Variants in VWA5A observed in about 807,000 individuals in gnomAD.
VWA5A encodes the protein von Willebrand factor A domain-containing protein 5A.
In VWA5A, 77 loss-of-function variants were observed where a neutral mutation model predicts 84.6. That is an observed-to-expected ratio of 0.91 (90% confidence interval 0.76 to 1.10). VWA5A has a LOEUF of 1.10. Among genes scored for constraint, VWA5A ranks in the 50% least tolerant of loss-of-function variants. The pLI, the probability that VWA5A is intolerant of heterozygous loss-of-function variation, is 0.00. For missense variants in VWA5A, 973 were observed against 963.0 expected (o/e 1.01, Z -0.14); for synonymous variants, 334 against 350.1 (o/e 0.95, Z 0.51).
chr11:124,133,876 G>A (rs1018472566), intron 11 of VWA5A, among the ~76,000 whole-genome samples: 10 of 152,068 alleles, frequency 6.6e-5, no homozygotes, highest in African/African-American at 1.2e-4. Flanking sequence ...CAGCACTGTC[G>A]TGAGTTCTAG....
chr11:124,116,907 G>A (rs1864840065), intron 2 of VWA5A, among the ~76,000 whole-genome samples: 1 of 152,168 alleles, frequency 6.6e-6, no homozygotes, highest in Admixed American at 6.5e-5. Context: ...ATGGCCTGTG[G>A]CAGGAGTCCA....
chr11:124,138,812 A>G (rs1221235628), intron 15 of VWA5A, among the ~76,000 whole-genome samples: 2 of 152,178 alleles, frequency 1.3e-5, no homozygotes, highest in South Asian at 4.1e-4. Context: ...TTGCTTTTGT[A>G]GCCTGTGCTT....
At chr11:124,128,416 C>G (rs539210219) in intron 11 of VWA5A, among the ~76,000 whole-genome samples, 1 of 152,230 alleles carries the variant, frequency 6.6e-6, no homozygotes, top group South Asian at 2.1e-4. Context: ...GTTACTGTAG[C>G]CTTGTAGTAT....
chr11:124,138,943 GTTT>G (rs1294742520), intron 15 of VWA5A, among the ~76,000 whole-genome samples: 2 of 152,070 alleles, frequency 1.3e-5, no homozygotes, highest in Admixed American at 1.3e-4. Flanking sequence ...ATTTGAGTTG[GTTT>G]TTCTATGTGA....
At chr11:124,129,951 T>C (rs1865073867) in intron 11 of VWA5A, among the ~76,000 whole-genome samples, 1 of 152,196 alleles carries the variant, frequency 6.6e-6, no homozygotes, top group East Asian at 1.9e-4. Context: ...ATTGATTTTT[T>C]GAAGGGTTTT....
At chr11:124,126,406 G>A (rs1191991788) in intron 11 of VWA5A, among the ~76,000 whole-genome samples, 5 of 151,988 alleles carry the variant, frequency 3.3e-5, no homozygotes, top group African/African-American at 9.7e-5. Flanking sequence ...CTGATTTCTC[G>A]AAGTGTTTGT....
chr11:124,129,830 C>T (rs1353146707), intron 11 of VWA5A, among the ~76,000 whole-genome samples: 5 of 152,006 alleles, frequency 3.3e-5, no homozygotes, highest in African/African-American at 1.2e-4. Flanking sequence ...AGTGGTGATA[C>T]TCCCTTTATC....
Position 124,142,487 on chromosome 11 carries a change from C to T in VWA5A, c.2069C>T (p.Ala690Val). Residue 690 changes from alanine to valine, a missense_variant, in exon 17 of 19, where the codon GCA (alanine) becomes GTA (valine). Physicochemically the swap from Ala to Val is moderately conservative, Grantham distance 64 (BLOSUM62 0). Coordinates refer to ENST00000456829, the MANE Select transcript of VWA5A (RefSeq NM_001130142.2). ...HLVQLIYHQN[A>V]NGSWDLNEDL... ...GTGCAGCTGATTTACCACCAAAATG[C>T]AAATGGTTCCTGGGATCTGAATGAA... The T allele has an allele frequency of 1.2e-6, 2 of 1,614,106 alleles. No homozygotes were observed. Among genetic ancestry groups the T allele is most frequent in the Non-Finnish European group, 1.7e-6 (2 of 1,180,034 alleles).
chr11:124,117,469 C>T, intron 2 of VWA5A, 28 bp from the exon 3 acceptor site: 1 of 1,605,754 alleles, frequency 6.2e-7, no homozygotes, highest in South Asian at 1.1e-5. Context: ...CCAACATGTC[C>T]TCTGTTTGTG....
At position 124,119,016 on chromosome 11, in the gene VWA5A, A is replaced by G. The variant is rs1297367973; in HGVS notation, c.687A>G (p.Glu229=). The change falls in exon 7 of 19, where the codon GAA becomes GAG. Residue 229 remains glutamate, a synonymous_variant. Transcript: ENST00000456829. ...AAGHKFDRDV[E]LLIYYNEVHT... ...GACACAAGTTTGATCGGGACGTGGA[A>G]CTCCTGATTTACTACAATGAGGTGC... 1 of 1,613,958 alleles carries G rather than the reference A, an allele frequency of 6.2e-7. No homozygotes were observed. Among genetic ancestry groups the G allele is most frequent in the Non-Finnish European group, 8.5e-7 (1 of 1,180,022 alleles).
At position 124,147,086 on chromosome 11, in the gene VWA5A, T is replaced by A. The variant is rs1311599143; in HGVS notation, c.*1141T>A. On this transcript the variant is annotated 3_prime_UTR_variant, in exon 19 of 19. Coordinates refer to ENST00000456829, the MANE Select transcript of VWA5A (RefSeq NM_001130142.2). ...AAAAGCTTAGCAAGAGGTCTACTCC[T>A]CCATAGATTCATTTATTGAACTTAC... The A allele has an allele frequency of 3.0e-5, 5 of 165,072 alleles. No individual in the cohort carries two copies. The highest frequency in any genetic ancestry group is 4.8e-5 in the African/African-American group (2 of 41,456). 10.2% of individuals were successfully genotyped at this position (165,072 alleles called of 1,614,324 possible).
chr11:124,123,725 C>A lies in VWA5A; in HGVS notation c.1085C>A (p.Ala362Asp). The A allele has an allele frequency of 6.2e-7, 1 of 1,613,156 alleles. No individual in the cohort carries two copies. Among genetic ancestry groups the A allele is most frequent in the Non-Finnish European group, 8.5e-7 (1 of 1,179,644 alleles). Residue 362 changes from alanine (A) to aspartate (D), a missense_variant, in exon 10 of 19, where the codon GCC (alanine) becomes GAC (aspartate). Physicochemically the swap from Ala to Asp is moderately radical, Grantham distance 126. Transcript: ENST00000456829. Reference protein sequence around the residue: ...EALGRVKLMQADLGGTEILAP... With the variant: ...EALGRVKLMQDDLGGTEILAP... ...CTGGGGAGAGTGAAGCTTATGCAGG[C>A]CGACCTAGGGGGCACTGAAATCTTG...
chr11:124,139,571 T>G (rs183255796), intron 15 of VWA5A, among the ~76,000 whole-genome samples: 56 of 152,322 alleles, frequency 3.7e-4, no homozygotes, highest in African/African-American at 1.3e-3. Context: ...TGAGATTGTT[T>G]TCTTGATTTC....
Position 124,123,661 on chromosome 11 carries a change from G to C in VWA5A, c.1021G>C (p.Glu341Gln). 6.2e-7 allele frequency: 1 copy of C among 1,614,088 alleles called. No individual in the cohort carries two copies. Among genetic ancestry groups the C allele is most frequent in the African/African-American group, 1.3e-5 (1 of 75,026 alleles). The change falls in exon 10 of 19, where the codon GAG becomes CAG. Residue 341 changes from glutamate to glutamine, a missense_variant and splice_region_variant. Transcript: ENST00000456829. ...FGSSYEACFPESVKYTQQTME... is the reference protein window; with the variant it reads ...FGSSYEACFPQSVKYTQQTME... ...ACTGGGTGTGTTTGTTTTTCTCAGG[G>C]AGAGTGTGAAGTACACTCAGCAAAC...
At chr11:124,118,101 A>G in intron 4 of VWA5A, 88 bp from the exon 5 acceptor site, 2 of 1,413,374 alleles carry the variant, frequency 1.4e-6, no homozygotes, top group Non-Finnish European at 1.9e-6. Context: ...GACCAATCAC[A>G]CAGTCGCTCT....
intron 11 of VWA5A, 173 bp downstream of exon 11, chr11:124,124,489 A>G: frequency 7.3e-7 from 1 of 1,362,356 alleles, no homozygotes; most frequent in South Asian, 2.0e-5. Context: ...AGTTTTCCAA[A>G]TAACATCAAC....
At chr11:124,120,163 T>A (rs1197573701) in intron 7 of VWA5A, among the ~76,000 whole-genome samples, 1 of 152,236 alleles carries the variant, frequency 6.6e-6, no homozygotes, top group Non-Finnish European at 1.5e-5. Flanking sequence ...TTTCTAAGAC[T>A]AAGTTTAGCT....
At chr11:124,123,163 T>C (rs1431908040) in intron 8 of VWA5A, 34 bp downstream of exon 8, 2 of 1,596,742 alleles carry the variant, frequency 1.3e-6, no homozygotes, top group Non-Finnish European at 1.7e-6. Flanking sequence ...CTGGGTCACA[T>C]GCTCAAGTGA....
chr11:124,119,223 C>A, intron 7 of VWA5A, 134 bp downstream of exon 7: 2 of 794,234 alleles, frequency 2.5e-6, no homozygotes, highest in Non-Finnish European at 2.0e-6. Context: ...ATAGTTTACA[C>A]TATGTCATGC....
Sources: gnomAD v4.1 joint callset for allele counts (sites outside exome capture counted in the v4.1 genomes callset) on GRCh38, gnomAD v4.1.1 for gene constraint, MANE v1.5 for transcripts, NCBI Gene and HGNC (gene_info 2026-07-23, HGNC 2026-07-21) for gene names.